AFDN: variants seen among roughly 807,000 people sequenced by gnomAD.
The protein encoded by AFDN is afadin, adherens junction formation factor.
A neutral mutation model predicts 216.6 loss-of-function variants in AFDN; 68 were observed. The ratio of observed to expected loss-of-function variants is 0.31; its 90% CI spans 0.26 to 0.38. The LOEUF is 0.38. Ranked by LOEUF, AFDN falls within the 10% of genes least tolerant of loss-of-function variation. The probability of loss-of-function intolerance (pLI) is 1.00; values close to 1 mark genes in which losing one functional copy is unlikely to be tolerated. For synonymous variants in AFDN, 868 were observed against 853.7 expected (o/e 1.02, Z -0.29); for missense variants, 2,136 against 2,342.0 (o/e 0.91, Z 1.82).
At chr6:167,897,527 A>T (rs1410733887) in intron 10 of AFDN, among the ~76,000 whole-genome samples, 3 of 151,512 alleles carry the variant, frequency 2.0e-5, no homozygotes, top group South Asian at 2.1e-4. Context: ...CAATTCTACC[A>T]TTTCTTCTTT....
In AFDN at chr6:167,894,762, C is replaced by T. The variant is rs534070123; in HGVS notation, c.1222+856C>T. The stretch of plus-strand genomic sequence containing the variant: ...ACTGAGAAAGCAGCTTCTGTCTCTC[C>T]CTTTCTCTGTTTTGAAATCTGTTGA... On this transcript the variant is annotated intron_variant, in intron 9 of 33. Transcript: ENST00000683244. 3.3e-5 allele frequency among the ~76,000 whole-genome samples: 5 copies of T among 152,236 alleles called. No individual in the cohort carries two copies. The East Asian group carries it at 7.7e-4, about 24-fold the overall frequency.
intron 32 of AFDN, among the ~76,000 whole-genome samples, chr6:167,967,942 G>A (rs778346438): frequency 1.3e-5 from 2 of 152,146 alleles, no homozygotes; most frequent in Non-Finnish European, 2.9e-5. Context: ...GGATGTGAAT[G>A]AGTAATGCCA....
intron 15 of AFDN, chr6:167,911,767 A>AT (rs1562657227): frequency 2.4e-6 from 1 of 421,814 alleles, no homozygotes; most frequent in Non-Finnish European, 4.4e-6. Flanking sequence ...CTTTTGTAGA[A>AT]TTTTTTCTGT....
intron 23 of AFDN, among the ~76,000 whole-genome samples, chr6:167,928,900 G>C (rs1279201473): frequency 6.6e-6 from 1 of 152,190 alleles, no homozygotes; most frequent in East Asian, 1.9e-4. Context: ...CCTTCTCTCT[G>C]TATCTTCAAT....
intron 19 of AFDN, among the ~76,000 whole-genome samples, chr6:167,916,530 G>T (rs545117023): frequency 3.9e-5 from 6 of 152,078 alleles, no homozygotes; most frequent in Non-Finnish European, 8.8e-5. Context: ...AGAATACAAA[G>T]CCAAATAATA....
At chr6:167,828,491 C>G (rs901205844) in intron 1 of AFDN, among the ~76,000 whole-genome samples, 3 of 152,184 alleles carry the variant, frequency 2.0e-5, no homozygotes, top group Admixed American at 6.5e-5. Context: ...CGCCATTAGG[C>G]TCAGGTTGTC....
intron 30 of AFDN, among the ~76,000 whole-genome samples, chr6:167,958,034 A>T (rs1796694406): frequency 6.6e-6 from 1 of 152,176 alleles, no homozygotes; most frequent in Admixed American, 6.5e-5. Context: ...CCTAATCTGA[A>T]AATTCAGAAT....
chr6:167,946,427 A>G (rs1377410331), intron 26 of AFDN, among the ~76,000 whole-genome samples: 1 of 152,114 alleles, frequency 6.6e-6, no homozygotes, highest in Non-Finnish European at 1.5e-5. Context: ...TTTTTTAAAG[A>G]TACTTTAAAA....
chr6:167,952,521 C>CCAGG (rs1796108929), intron 30 of AFDN: 1 of 985,174 alleles, frequency 1.0e-6, no homozygotes, highest in Non-Finnish European at 1.2e-6. Flanking sequence ...TAATCTTGAT[C>CCAGG]CAGGGTAGGC....
At chr6:167,927,983 T>G (rs3778661) in intron 23 of AFDN, among the ~76,000 whole-genome samples, 1 of 152,140 alleles carries the variant, frequency 6.6e-6, no homozygotes, top group African/African-American at 2.4e-5. Flanking sequence ...TTTTCTGTTA[T>G]GTTCATCCTG....
chr6:167,891,450 T>TGTGTGG (rs1246107187), intron 8 of AFDN, among the ~76,000 whole-genome samples: 5 of 150,146 alleles, frequency 3.3e-5, no homozygotes, highest in East Asian at 3.9e-4. Context: ...TGTGTGTGTG[T>TGTGTGG]GGCTGTTGTT....
chr6:167,875,561 T>A, intron 5 of AFDN, 66 bp downstream of exon 5: 1 of 1,517,032 alleles, frequency 6.6e-7, no homozygotes, highest in South Asian at 1.2e-5. Context: ...ACACTGTACG[T>A]GCGTGAGACT....
intron 1 of AFDN, chr6:167,863,873 C>A: frequency 2.0e-6 from 1 of 502,686 alleles, no homozygotes; most frequent in South Asian, 1.5e-5. Flanking sequence ...AAATTAGTTA[C>A]AACTATTAGG....
At chr6:167,881,438 G>C (rs1380856651) in intron 6 of AFDN, among the ~76,000 whole-genome samples, 2 of 152,222 alleles carry the variant, frequency 1.3e-5, no homozygotes, top group African/African-American at 4.8e-5. Context: ...AGATTAGTCT[G>C]TGGAATTTTG....
rs1779157045 is a variant in AFDN at position 167,827,035 on chromosome 6, C to CG, written c.-92dup. 1.9e-5 allele frequency: 8 copies of CG among 429,314 alleles called. No individual in the cohort carries two copies. The highest frequency in any genetic ancestry group is 2.5e-5 in the Non-Finnish European group (8 of 321,408). The allele number at this position is 429,314 out of a possible 1,614,324, so 26.6% of individuals were successfully genotyped here. On this transcript the variant is annotated 5_prime_UTR_variant, in exon 1 of 34. Coordinates refer to ENST00000683244, the MANE Select transcript of AFDN (RefSeq NM_001386888.1). ...CAGCCGCGGAGGCGGAGGCGGCCGG[C>CG]GGGGGGTGGCGAGGGGCGCCGGGCC... is the stretch of plus-strand genomic sequence containing the variant.
chr6:167,963,644 C>T lies in AFDN; in HGVS notation c.4968+1077C>T, dbSNP rs1797253610. 2.8e-6 allele frequency: 3 copies of T among 1,060,008 alleles called. No individual in the cohort carries two copies. In the East Asian group the frequency reaches 1.5e-4, roughly 55 times the overall value. 65.7% of individuals were successfully genotyped at this position (1,060,008 alleles called of 1,614,324 possible). On this transcript the variant is annotated intron_variant, in intron 31 of 33. Coordinates refer to ENST00000683244, the MANE Select transcript of AFDN (RefSeq NM_001386888.1). ...TCACCTCTGTTGAAATTGGTGATTT[C>T]TGCATTTTGTAGACCTTTGCCCTCT...
chr6:167,913,312 A>G (rs1389307337), intron 15 of AFDN, 91 bp from the exon 16 acceptor site: 1 of 1,218,874 alleles, frequency 8.2e-7, no homozygotes, highest in Non-Finnish European at 1.2e-6. Context: ...GTACCTTCAT[A>G]TTAGTGTTTT....
intron 8 of AFDN, among the ~76,000 whole-genome samples, chr6:167,893,505 G>C (rs1358101680): frequency 6.6e-6 from 1 of 152,044 alleles, no homozygotes; most frequent in African/African-American, 2.4e-5. Flanking sequence ...ACATTATTTC[G>C]TTCTTTGCTT....
rs1797974886 is a variant in AFDN at position 167,970,845 on chromosome 6, G to C, written c.*910G>C. On this transcript the variant is annotated 3_prime_UTR_variant, in exon 34 of 34. Coordinates refer to ENST00000683244, the MANE Select transcript of AFDN (RefSeq NM_001386888.1). ...TGGGAGATGAGTAGGGACCCCTCAAGCACAGCTGTCACTCAGAAATTTTAA... is the reference window on the plus strand; with the variant it reads ...TGGGAGATGAGTAGGGACCCCTCAACCACAGCTGTCACTCAGAAATTTTAA... 3 of 218,240 alleles carry C rather than the reference G, an allele frequency of 1.4e-5. No individual in the cohort carries two copies. The highest frequency in any genetic ancestry group is 2.8e-5 in the Non-Finnish European group (3 of 108,774). The allele number at this position is 218,240 out of a possible 1,614,324, so 13.5% of individuals were successfully genotyped here.
Sources: gnomAD v4.1 joint callset for allele counts (sites outside exome capture counted in the v4.1 genomes callset) on GRCh38, gnomAD v4.1.1 for gene constraint, MANE v1.5 for transcripts, NCBI Gene and HGNC (gene_info 2026-07-23, HGNC 2026-07-21) for gene names.